The following PTPRD variants were observed in gnomAD, a reference collection of about 807,000 sequenced individuals.
PTPRD encodes receptor-type tyrosine-protein phosphatase delta.
PTPRD carries 34 observed loss-of-function variants against 214.5 expected under a neutral mutation model. The ratio of observed to expected loss-of-function variants is 0.16; its 90% CI spans 0.12 to 0.21. PTPRD has a LOEUF of 0.21. PTPRD is among the 10% of genes least tolerant of loss of function. The pLI, the probability that PTPRD is intolerant of heterozygous loss-of-function variation, is 1.00. For synonymous variants in PTPRD, 1,128 were observed against 845.7 expected (o/e 1.33, Z -5.79); for missense variants, 2,545 against 2,398.7 (o/e 1.06, Z -1.27).
chr9:8,878,941 C>T (rs2098418745), intron 11 of PTPRD, among the ~76,000 whole-genome samples: 3 of 152,206 alleles, frequency 2.0e-5, no homozygotes, highest in South Asian at 2.1e-4. Context: ...CAGTCCTACA[C>T]CTCACCCAAG....
chr9:9,296,693 C>A (rs1953181110), intron 9 of PTPRD, among the ~76,000 whole-genome samples: 1 of 151,626 alleles, frequency 6.6e-6, no homozygotes, highest in African/African-American at 2.4e-5. Flanking sequence ...AGGACTGGAG[C>A]TTTTCAAATG....
intron 11 of PTPRD, among the ~76,000 whole-genome samples, chr9:8,906,045 C>T (rs577133390): frequency 1.5e-4 from 23 of 152,250 alleles, no homozygotes; most frequent in Admixed American, 1.2e-3. Flanking sequence ...TAAATCTGTA[C>T]GTCCAAAGCT....
At chr9:8,431,150 A>G (rs527829044) in intron 35 of PTPRD, among the ~76,000 whole-genome samples, 4 of 152,204 alleles carry the variant, frequency 2.6e-5, no homozygotes, top group Non-Finnish European at 4.4e-5. Flanking sequence ...TCACCACAAC[A>G]AACAGTCAAT....
chr9:9,398,223 T>C (rs1214501590), intron 8 of PTPRD, among the ~76,000 whole-genome samples: 2 of 151,854 alleles, frequency 1.3e-5, no homozygotes, highest in East Asian at 1.9e-4. Flanking sequence ...ATTTCTTCAA[T>C]AGAGGTTGTC....
At chr9:10,550,413 T>C (rs1036216959) in intron 2 of PTPRD, among the ~76,000 whole-genome samples, 1 of 152,284 alleles carries the variant, frequency 6.6e-6, no homozygotes, top group Admixed American at 6.5e-5. Context: ...TAGTCTAGGA[T>C]TTAATTCCAG....
At chr9:8,466,707 T>C (rs962340081) in intron 31 of PTPRD, among the ~76,000 whole-genome samples, 2 of 151,896 alleles carry the variant, frequency 1.3e-5, no homozygotes, top group African/African-American at 2.4e-5. Context: ...TTAATATCTA[T>C]GTATTAATAG....
At chr9:9,315,037 T>C (rs895409760) in intron 9 of PTPRD, among the ~76,000 whole-genome samples, 17 of 152,040 alleles carry the variant, frequency 1.1e-4, no homozygotes, top group African/African-American at 3.9e-4. Flanking sequence ...CTAGATTTTA[T>C]TTATTTTTAC....
intron 8 of PTPRD, among the ~76,000 whole-genome samples, chr9:9,469,877 G>A (rs10816135): frequency 0.69 from 105,544 of 152,028 alleles, 36,712 homozygotes; most frequent in South Asian, 0.73. Context: ...TCAGAATACC[G>A]TAAGTTCATA....
At chr9:9,818,221 G>A (rs1266194900) in intron 5 of PTPRD, among the ~76,000 whole-genome samples, 1 of 152,124 alleles carries the variant, frequency 6.6e-6, no homozygotes, top group Non-Finnish European at 1.5e-5. Flanking sequence ...GTCTTTAAAT[G>A]GTGAAATCTC....
intron 3 of PTPRD, among the ~76,000 whole-genome samples, chr9:10,150,526 G>C (rs928016540): frequency 6.6e-6 from 1 of 152,008 alleles, no homozygotes; most frequent in Non-Finnish European, 1.5e-5. Context: ...CAGGAGGAGG[G>C]GGGAGGGATA....
At chr9:8,362,998 A>T in intron 39 of PTPRD, among the ~76,000 whole-genome samples, 1 of 152,218 alleles carries the variant, frequency 6.6e-6, no homozygotes, top group East Asian at 1.9e-4. Context: ...TTAACATTTT[A>T]AAATTGCCTA....
chr9:8,687,511 C>T (rs944930744), intron 12 of PTPRD, among the ~76,000 whole-genome samples: 1 of 152,180 alleles, frequency 6.6e-6, no homozygotes, highest in African/African-American at 2.4e-5. Flanking sequence ...ATATGCTCCT[C>T]CTAAGGTGCC....
chr9:9,828,769 T>A (rs1359431235), intron 5 of PTPRD, among the ~76,000 whole-genome samples: 1 of 151,816 alleles, frequency 6.6e-6, no homozygotes, highest in Non-Finnish European at 1.5e-5. Flanking sequence ...CAACAATCAA[T>A]ATAACTACTT....
At chr9:10,002,331 A>AATATATATAT (rs3051049) in intron 4 of PTPRD, among the ~76,000 whole-genome samples, 8 of 144,406 alleles carry the variant, frequency 5.5e-5, no homozygotes, top group Non-Finnish European at 1.1e-4. Context: ...TTTAAATATA[A>AATATATATAT]ATATATATAT....
At chr9:8,986,228 A>C (rs1401893598) in intron 11 of PTPRD, among the ~76,000 whole-genome samples, 2 of 152,094 alleles carry the variant, frequency 1.3e-5, no homozygotes, top group Non-Finnish European at 2.9e-5. Flanking sequence ...TGAACTCTCC[A>C]GAAGAAATCC....
At chr9:10,013,225 CAGATGGACACT>C (rs767511348) in intron 4 of PTPRD, among the ~76,000 whole-genome samples, 3 of 151,824 alleles carry the variant, frequency 2.0e-5, no homozygotes, top group Non-Finnish European at 4.4e-5. Flanking sequence ...TACAAGGCCA[CAGATGGACACT>C]GGAGGAGACA....
At chr9:9,707,016 T>C (rs2382039) in intron 7 of PTPRD, among the ~76,000 whole-genome samples, 8,718 of 152,120 alleles carry the variant, frequency 0.057, 617 homozygotes, top group East Asian at 0.37. Flanking sequence ...AAGTGAAAAA[T>C]ACCACTCAAG....
At chr9:8,954,783 T>C (rs970122587) in intron 11 of PTPRD, among the ~76,000 whole-genome samples, 4 of 151,822 alleles carry the variant, frequency 2.6e-5, no homozygotes, top group Non-Finnish European at 5.9e-5. Context: ...ACAATGTAGA[T>C]AAAAACAATG....
intron 11 of PTPRD, among the ~76,000 whole-genome samples, chr9:8,867,021 T>C (rs1291773797): frequency 6.6e-6 from 1 of 152,192 alleles, no homozygotes; most frequent in African/African-American, 2.4e-5. Flanking sequence ...TAATCACATA[T>C]TGAAAGGCCT....
Sources: allele counts gnomAD v4.1 joint callset (sites outside exome capture counted in the v4.1 genomes callset), GRCh38; gene constraint gnomAD v4.1.1; transcripts MANE v1.5; gene names NCBI Gene and HGNC (gene_info 2026-07-23, HGNC 2026-07-21).